The following SLC24A2 variants were observed in gnomAD, a reference collection of about 807,000 sequenced individuals.
SLC24A2 encodes the protein sodium/potassium/calcium exchanger 2.
Under a neutral mutation model 62.0 loss-of-function variants are expected in SLC24A2, and 36 were observed. That is an observed-to-expected ratio of 0.58 (90% confidence interval 0.44 to 0.77). The LOEUF (loss-of-function observed/expected upper bound fraction) is 0.77, where lower values mean the gene tolerates loss of function less well. Among genes scored for constraint, SLC24A2 ranks in the 30% least tolerant of loss-of-function variants. The pLI is 0.00. For missense variants in SLC24A2, 846 were observed against 817.9 expected, an observed-to-expected ratio of 1.03 and a Z score of -0.42; for synonymous variants, 358 against 294.0, an observed-to-expected ratio of 1.22 and a Z score of -2.23.
At chr9:19,974,804 GT>G in the SLC24A2 span, among the ~76,000 whole-genome samples, 1 of 152,162 alleles carries the variant, frequency 6.6e-6, no homozygotes, top group Non-Finnish European at 1.5e-5. Flanking sequence ...GTCTGTAAAA[GT>G]ACTTTCCAAA....
chr9:19,908,546 A>G, the SLC24A2 span, among the ~76,000 whole-genome samples: 9 of 152,184 alleles, frequency 5.9e-5, no homozygotes, highest in East Asian at 7.7e-4. Context: ...GAGTGAACAG[A>G]CAACCTACAG....
At chr9:19,922,554 C>T in the SLC24A2 span, among the ~76,000 whole-genome samples, 221 of 152,234 alleles carry the variant, frequency 1.5e-3, 1 homozygote, top group African/African-American at 5.1e-3. Context: ...TATGAAAAAT[C>T]CCAGGCCTCC....
intron 7 of SLC24A2, among the ~76,000 whole-genome samples, chr9:19,560,045 C>T (rs769063805): frequency 1.3e-5 from 2 of 152,106 alleles, no homozygotes; most frequent in African/African-American, 2.4e-5. Flanking sequence ...TTAGGACTTG[C>T]CAAACAAGGT....
chr9:19,975,302 A>G, the SLC24A2 span, among the ~76,000 whole-genome samples: 6 of 152,140 alleles, frequency 3.9e-5, no homozygotes, highest in African/African-American at 1.2e-4. Context: ...GTCCCCTCTT[A>G]AATATAATTA....
chr9:19,769,029 A>T (rs1255424251), intron 2 of SLC24A2, among the ~76,000 whole-genome samples: 2 of 152,130 alleles, frequency 1.3e-5, no homozygotes, highest in Non-Finnish European at 2.9e-5. Flanking sequence ...TCTAGTCTGA[A>T]TTCCAGACTC....
intron 2 of SLC24A2, among the ~76,000 whole-genome samples, chr9:19,702,943 A>G (rs908554410): frequency 4.8e-5 from 7 of 145,560 alleles, no homozygotes; most frequent in Non-Finnish European, 9.3e-5. Context: ...ATATTTGCAA[A>G]TAAAAAATAA....
At chr9:20,103,669 A>C in the SLC24A2 span, among the ~76,000 whole-genome samples, 1 of 152,234 alleles carries the variant, frequency 6.6e-6, no homozygotes. Flanking sequence ...TAACAAACAG[A>C]AAGGACATCC....
chr9:20,086,070 T>TA, the SLC24A2 span, among the ~76,000 whole-genome samples: 1 of 152,140 alleles, frequency 6.6e-6, no homozygotes, highest in East Asian at 1.9e-4. Flanking sequence ...ACTGGATGCA[T>TA]AAAACCAGAT....
chr9:19,665,561 G>A (rs984812483), intron 2 of SLC24A2, among the ~76,000 whole-genome samples: 23 of 152,164 alleles, frequency 1.5e-4, no homozygotes, highest in African/African-American at 5.1e-4. Flanking sequence ...TGTATTGCCT[G>A]TAATGCAACA....
chr9:19,971,738 G>A, the SLC24A2 span, among the ~76,000 whole-genome samples: 14 of 152,230 alleles, frequency 9.2e-5, no homozygotes, highest in East Asian at 2.3e-3. Flanking sequence ...AAGGACCCAC[G>A]AGGTTCCATG....
Position 19,528,077 on chromosome 9 carries a change from G to C in SLC24A2, c.1541C>G (p.Ser514Cys). ...GTGCGCCCACCAGACCATCAAGTAA[G>C]AGAATACTGCAATCCAGGTAATGGA... ...FGSITWIAVF[S>C]YLMVWWAHQV... The change falls in exon 9 of 11, where the codon TCT becomes TGT. Residue 514 changes from serine (S) to cysteine (C), a missense_variant. By Grantham distance (112) the Ser-to-Cys change is moderately radical. Transcript: ENST00000341998. 6.3e-7 allele frequency: 1 copy of C among 1,597,620 alleles called. No individual in the cohort carries two copies. The highest frequency in any genetic ancestry group is 8.5e-7 in the Non-Finnish European group (1 of 1,171,462).
intron 7 of SLC24A2, among the ~76,000 whole-genome samples, chr9:19,556,513 T>G (rs1047109232): frequency 1.3e-5 from 2 of 152,146 alleles, no homozygotes; most frequent in Non-Finnish European, 1.5e-5. Flanking sequence ...TCAAGTTCAG[T>G]TTTATTGACT....
intron 2 of SLC24A2, among the ~76,000 whole-genome samples, chr9:19,739,251 T>C (rs899894603): frequency 6.6e-6 from 1 of 152,212 alleles, no homozygotes; most frequent in East Asian, 1.9e-4. Context: ...GAACAGAGAT[T>C]CTATATTGTA....
chr9:20,185,016 T>A, the SLC24A2 span, among the ~76,000 whole-genome samples: 1 of 152,126 alleles, frequency 6.6e-6, no homozygotes, highest in Non-Finnish European at 1.5e-5. Flanking sequence ...TACTCCATGA[T>A]CTCACTTACA....
the SLC24A2 span, among the ~76,000 whole-genome samples, chr9:20,249,388 G>C: frequency 1.3e-5 from 2 of 151,972 alleles, no homozygotes; most frequent in South Asian, 4.2e-4. Context: ...CTTAACTGTG[G>C]GTTTGTCATA....
At chr9:19,656,648 T>C (rs1020061630) in intron 2 of SLC24A2, among the ~76,000 whole-genome samples, 1 of 152,238 alleles carries the variant, frequency 6.6e-6, no homozygotes, top group Non-Finnish European at 1.5e-5. Flanking sequence ...ACAAGACTCA[T>C]GCTGCTTCTG....
the SLC24A2 span, among the ~76,000 whole-genome samples, chr9:20,260,650 T>G: frequency 3.9e-5 from 6 of 152,096 alleles, no homozygotes; most frequent in African/African-American, 1.4e-4. Flanking sequence ...GCTTTTATTT[T>G]TTTACTTTTA....
At chr9:20,221,939 A>G in the SLC24A2 span, among the ~76,000 whole-genome samples, 773 of 152,196 alleles carry the variant, frequency 5.1e-3, 2 homozygotes, top group Middle Eastern at 0.01. Context: ...TTAGAAGAAA[A>G]GTGAACCCAG....
At chr9:19,746,555 A>G (rs1436376627) in intron 2 of SLC24A2, among the ~76,000 whole-genome samples, 3 of 152,172 alleles carry the variant, frequency 2.0e-5, no homozygotes, top group African/African-American at 7.2e-5. Flanking sequence ...TATAATAGGA[A>G]AAATATAAAA....
Sources: gnomAD v4.1 joint callset for allele counts (sites outside exome capture counted in the v4.1 genomes callset) on GRCh38, gnomAD v4.1.1 for gene constraint, MANE v1.5 for transcripts, NCBI Gene and HGNC (gene_info 2026-07-23, HGNC 2026-07-21) for gene names.